DARS1: variants seen among roughly 807,000 people sequenced by gnomAD.
DARS1 encodes aspartate--tRNA ligase, cytoplasmic.
DARS1 carries 51 observed loss-of-function variants against 68.8 expected under a neutral mutation model. The ratio of observed to expected loss-of-function variants is 0.74; its 90% CI spans 0.59 to 0.94. DARS1 has a LOEUF of 0.94. Ranked by LOEUF, DARS1 falls within the 40% of genes least tolerant of loss-of-function variation. The pLI, the probability that DARS1 is intolerant of heterozygous loss-of-function variation, is 0.00. For missense variants in DARS1, 607 were observed against 597.3 expected (o/e 1.02, Z -0.17); for synonymous variants, 203 against 190.4 (o/e 1.07, Z -0.55).
chr2:135,981,299 C>T (rs1192506066), intron 2 of DARS1, among the ~76,000 whole-genome samples: 3 of 152,162 alleles, frequency 2.0e-5, no homozygotes, highest in Admixed American at 6.5e-5. Flanking sequence ...TTGAGAAAGA[C>T]ACCTAACCTG....
intron 3 of DARS1, among the ~76,000 whole-genome samples, chr2:135,977,124 G>A (rs1682518833): frequency 6.6e-6 from 1 of 152,180 alleles, no homozygotes; most frequent in Non-Finnish European, 1.5e-5. Flanking sequence ...GTAAGTAACT[G>A]TCATGCTCAT....
intron 4 of DARS1, among the ~76,000 whole-genome samples, chr2:135,951,168 G>T (rs569325608): frequency 1.3e-5 from 2 of 152,272 alleles, no homozygotes; most frequent in African/African-American, 4.8e-5. Flanking sequence ...CAATTAACTC[G>T]ATATAGTTAA....
chr2:135,925,032 G>C (rs1291611260), intron 7 of DARS1, among the ~76,000 whole-genome samples: 2 of 152,164 alleles, frequency 1.3e-5, no homozygotes, highest in Non-Finnish European at 2.9e-5. Context: ...GGCATCCCAT[G>C]ACACTGATTT....
At chr2:135,918,393 C>T (rs1681048268) in intron 10 of DARS1, among the ~76,000 whole-genome samples, 1 of 151,918 alleles carries the variant, frequency 6.6e-6, no homozygotes, top group Non-Finnish European at 1.5e-5. Flanking sequence ...CAATAGAATA[C>T]AAATACATTT....
chr2:135,927,694 CAGAA>C lies in DARS1; in HGVS notation c.565-3200_565-3197del, dbSNP rs371607379. Among the ~76,000 whole-genome samples, 42 of 152,096 alleles carry C rather than the reference CAGAA, an allele frequency of 2.8e-4. No individual in the cohort carries two copies. The East Asian group carries it at 8.1e-3, about 29-fold the overall frequency. On this transcript the variant is annotated intron_variant, in intron 7 of 15. Coordinates refer to ENST00000264161, the MANE Select transcript of DARS1 (RefSeq NM_001349.4). ...GGCATGAGGTAGAAGATAAACTAAA[CAGAA>C]AGCAGAAAACTAATTTTTCTACACT...
intron 2 of DARS1, among the ~76,000 whole-genome samples, 153 bp downstream of exon 2, chr2:135,983,244 C>T: frequency 6.6e-6 from 1 of 152,088 alleles, no homozygotes; most frequent in South Asian, 2.1e-4. Flanking sequence ...AATGTTTACA[C>T]AGGGTTATGA....
chr2:135,929,628 A>G (rs1681299898), intron 7 of DARS1, among the ~76,000 whole-genome samples: 1 of 152,218 alleles, frequency 6.6e-6, no homozygotes, highest in African/African-American at 2.4e-5. Flanking sequence ...AAGTTTCAAT[A>G]TATTGGCATT....
intron 4 of DARS1, among the ~76,000 whole-genome samples, chr2:135,944,070 G>A (rs562892664): frequency 4.6e-5 from 7 of 152,164 alleles, no homozygotes; most frequent in East Asian, 1.9e-4. Flanking sequence ...AATATATGAT[G>A]AGTGTAAAAT....
At chr2:135,945,525 G>C (rs1240297487) in intron 4 of DARS1, among the ~76,000 whole-genome samples, 1 of 152,108 alleles carries the variant, frequency 6.6e-6, no homozygotes, top group Non-Finnish European at 1.5e-5. Context: ...GCTGGCTGTA[G>C]GTCCAATTAA....
chr2:135,961,619 T>C (rs1682103260), intron 3 of DARS1, 121 bp from the exon 4 acceptor site: 2 of 664,856 alleles, frequency 3.0e-6, no homozygotes, highest in Admixed American at 2.3e-5. Flanking sequence ...CAGGCACGCA[T>C]GCATGTGTAT....
chr2:135,957,796 T>C (rs1202658180), intron 4 of DARS1, among the ~76,000 whole-genome samples: 1 of 152,232 alleles, frequency 6.6e-6, no homozygotes, highest in African/African-American at 2.4e-5. Context: ...AAATAAGTTC[T>C]GTCATGTTAC....
In DARS1 at chr2:135,985,495, C is replaced by G; in HGVS notation, c.-27G>C. 6.2e-7 allele frequency: 1 copy of G among 1,614,006 alleles called. No homozygotes were observed. On this transcript the variant is annotated 5_prime_UTR_variant, in exon 1 of 16. Coordinates refer to ENST00000264161, the MANE Select transcript of DARS1 (RefSeq NM_001349.4). ...GGGACACGGAACTGGGCAGTGGACA[C>G]CACCCTCCCTCGCAGGCTTCCGTAA...
intron 5 of DARS1, among the ~76,000 whole-genome samples, chr2:135,937,552 A>T (rs1468333967): frequency 1.3e-5 from 2 of 152,330 alleles, no homozygotes; most frequent in East Asian, 3.9e-4. Context: ...TTAAAAGTAC[A>T]TCATCGTTAG....
intron 11 of DARS1, among the ~76,000 whole-genome samples, chr2:135,915,076 T>G (rs1283824278): frequency 6.6e-6 from 1 of 152,108 alleles, no homozygotes; most frequent in East Asian, 1.9e-4. Flanking sequence ...CATCTAGCAA[T>G]GTAGGCAATA....
chr2:135,929,171 T>C (rs1446495272), intron 7 of DARS1, among the ~76,000 whole-genome samples: 6 of 152,184 alleles, frequency 3.9e-5, no homozygotes, highest in African/African-American at 7.2e-5. Context: ...AACTGATGCA[T>C]TGGTCTTGAG....
intron 4 of DARS1, among the ~76,000 whole-genome samples, chr2:135,951,274 T>C (rs554010500): frequency 6.6e-6 from 1 of 152,338 alleles, no homozygotes; most frequent in Admixed American, 6.5e-5. Flanking sequence ...ACTCTATATT[T>C]GGCCAAGTGC....
At chr2:135,962,068 T>C (rs1163229161) in intron 3 of DARS1, among the ~76,000 whole-genome samples, 1 of 152,220 alleles carries the variant, frequency 6.6e-6, no homozygotes, top group Non-Finnish European at 1.5e-5. Context: ...ATTTTTCCTT[T>C]ATCACCTTCC....
chr2:135,981,074 C>A (rs536055939), intron 2 of DARS1, among the ~76,000 whole-genome samples: 4 of 152,190 alleles, frequency 2.6e-5, no homozygotes, highest in African/African-American at 9.7e-5. Context: ...AGAAAGGAAA[C>A]CACCTTGAGC....
intron 13 of DARS1, 92 bp from the exon 14 acceptor site, chr2:135,911,585 G>C: frequency 1.5e-6 from 1 of 665,004 alleles, no homozygotes; most frequent in Non-Finnish European, 2.7e-6. Context: ...TGAAGAGCAA[G>C]TTCATTTTTT....
Sources: gnomAD v4.1 joint callset for allele counts (sites outside exome capture counted in the v4.1 genomes callset) on GRCh38, gnomAD v4.1.1 for gene constraint, MANE v1.5 for transcripts, NCBI Gene and HGNC (gene_info 2026-07-23, HGNC 2026-07-21) for gene names.